Variants in THADA observed in about 807,000 individuals in gnomAD.
The protein encoded by THADA is THADA armadillo repeat containing, also known as tRNA (32-2'-O)-methyltransferase regulator THADA.
Under a neutral mutation model 219.8 loss-of-function variants are expected in THADA, and 213 were observed. The observed-to-expected ratio is 0.97, with a 90% confidence interval of 0.87 to 1.09. THADA has a LOEUF of 1.09. Ranked by LOEUF, THADA falls within the 50% of genes least tolerant of loss-of-function variation. THADA has a pLI of 0.00. For synonymous variants in THADA, 1,018 were observed against 828.9 expected (o/e 1.23, Z -3.92); for missense variants, 2,956 against 2,311.3 (o/e 1.28, Z -5.72).
chr2:43,497,484 A>C (rs1187357678), intron 25 of THADA, among the ~76,000 whole-genome samples: 2 of 152,214 alleles, frequency 1.3e-5, no homozygotes, highest in African/African-American at 4.8e-5. Flanking sequence ...GGAGCTGAAC[A>C]GTGAGAACAC....
intron 29 of THADA, among the ~76,000 whole-genome samples, chr2:43,352,772 C>A (rs764953182): frequency 6.6e-6 from 1 of 152,026 alleles, no homozygotes; most frequent in African/African-American, 2.4e-5. Context: ...TCCCTACCAC[C>A]ACCTTCCAGG....
intron 35 of THADA, among the ~76,000 whole-genome samples, chr2:43,280,939 C>G (rs1392332097): frequency 6.6e-6 from 1 of 152,208 alleles, no homozygotes; most frequent in African/African-American, 2.4e-5. Context: ...ACTGCTGTAA[C>G]TGACACAGAA....
intron 26 of THADA, among the ~76,000 whole-genome samples, chr2:43,460,617 G>A (rs1432631023): frequency 6.6e-6 from 1 of 152,114 alleles, no homozygotes; most frequent in Non-Finnish European, 1.5e-5. Context: ...TAAGTGCTCT[G>A]GAGGACACTC....
chr2:43,372,639 C>G (rs776651129), intron 29 of THADA, among the ~76,000 whole-genome samples: 16 of 152,154 alleles, frequency 1.1e-4, no homozygotes, highest in Non-Finnish European at 1.6e-4. Flanking sequence ...TTTTCTTGTT[C>G]TGCTATGCAG....
rs116568054 is a variant in THADA at position 43,312,387 on chromosome 2, G to A, written c.4438+8059C>T. ...GGTCACAGAAATGGACGGTGAATAAGGAGTCAGGAAAGCTCACCCTTTTCA... is the reference window on the plus strand; with the variant it reads ...GGTCACAGAAATGGACGGTGAATAAAGAGTCAGGAAAGCTCACCCTTTTCA... On this transcript the variant is annotated intron_variant, in intron 31 of 37. Coordinates refer to ENST00000405975, the MANE Select transcript of THADA (RefSeq NM_022065.5). 6.7e-3 allele frequency among the ~76,000 whole-genome samples: 1,020 copies of A among 152,202 alleles called. 2 individuals carry two copies. The highest frequency in any genetic ancestry group is 0.011 in the Non-Finnish European group (715 of 68,022).
chr2:43,442,201 C>A (rs1558767398), intron 26 of THADA, among the ~76,000 whole-genome samples: 1 of 152,060 alleles, frequency 6.6e-6, no homozygotes, highest in Non-Finnish European at 1.5e-5. Flanking sequence ...TTTGGGAGGC[C>A]GAGGTGGGCG....
At chr2:43,357,296 A>C (rs1335921811) in intron 29 of THADA, among the ~76,000 whole-genome samples, 1 of 152,140 alleles carries the variant, frequency 6.6e-6, no homozygotes, top group African/African-American at 2.4e-5. Flanking sequence ...GTAAGACCCA[A>C]CTGATAGATG....
At chr2:43,435,811 A>G (rs532344748) in intron 26 of THADA, among the ~76,000 whole-genome samples, 9 of 150,780 alleles carry the variant, frequency 6.0e-5, no homozygotes, top group Non-Finnish European at 1.2e-4. Flanking sequence ...GAAAGAAAAG[A>G]AAAAAGAAAT....
intron 28 of THADA, among the ~76,000 whole-genome samples, chr2:43,415,746 T>C (rs946774236): frequency 6.6e-5 from 10 of 152,030 alleles, no homozygotes; most frequent in Admixed American, 1.3e-4. Flanking sequence ...TCGTGACGCT[T>C]CACGGTGGGT....
chr2:43,274,252 A>G (rs910461113), intron 36 of THADA, among the ~76,000 whole-genome samples: 1 of 152,190 alleles, frequency 6.6e-6, no homozygotes, highest in Admixed American at 6.5e-5. Flanking sequence ...AACTCAGCCT[A>G]CCAGACCCGG....
chr2:43,499,358 A>T (rs530783558), intron 24 of THADA, among the ~76,000 whole-genome samples: 3 of 152,184 alleles, frequency 2.0e-5, no homozygotes, highest in African/African-American at 7.2e-5. Context: ...AAGAAACTTT[A>T]AAAAAAACTT....
At chr2:43,362,870 A>G (rs1669689590) in intron 29 of THADA, among the ~76,000 whole-genome samples, 1 of 151,402 alleles carries the variant, frequency 6.6e-6, no homozygotes, top group Admixed American at 6.6e-5. Context: ...TATTTTTTCT[A>G]TTTTAAATTT....
intron 22 of THADA, among the ~76,000 whole-genome samples, chr2:43,516,453 C>G (rs185124918): frequency 1.6e-3 from 246 of 152,264 alleles, no homozygotes; most frequent in African/African-American, 5.1e-3. Flanking sequence ...AAGCCCAAGC[C>G]TCTCAGGACT....
chr2:43,381,160 C>A (rs1339895548), intron 29 of THADA, among the ~76,000 whole-genome samples: 1 of 147,016 alleles, frequency 6.8e-6, no homozygotes. Context: ...GAAGGCATGT[C>A]AAAGGCACCC....
chr2:43,578,691 T>C (rs1274671339), intron 8 of THADA, 84 bp from the exon 9 acceptor site: 5 of 888,176 alleles, frequency 5.6e-6, no homozygotes, highest in African/African-American at 3.4e-5. Context: ...AGCAGCCAGA[T>C]AGGCCTGGGT....
At chr2:43,571,941 T>C (rs1269521162) in intron 12 of THADA, 79 bp from the exon 13 acceptor site, 2 of 1,399,978 alleles carry the variant, frequency 1.4e-6, no homozygotes, top group South Asian at 2.7e-5. Flanking sequence ...CTTACTTACA[T>C]AGGCTACAAA....
intron 26 of THADA, among the ~76,000 whole-genome samples, chr2:43,440,066 C>T (rs932620725): frequency 1.1e-4 from 16 of 152,076 alleles, no homozygotes; most frequent in African/African-American, 3.6e-4. Context: ...AAAAAATACA[C>T]ACTAGACTCC....
At chr2:43,549,772 A>G (rs1258163694) in intron 19 of THADA, among the ~76,000 whole-genome samples, 1 of 152,118 alleles carries the variant, frequency 6.6e-6, no homozygotes, top group Non-Finnish European at 1.5e-5. Flanking sequence ...GGCAACAGAA[A>G]AGTAGAAAAA....
chr2:43,540,820 A>C (rs1386040513), intron 21 of THADA, among the ~76,000 whole-genome samples: 3 of 152,186 alleles, frequency 2.0e-5, no homozygotes, highest in Admixed American at 6.5e-5. Context: ...AAAATTTAAG[A>C]GATTTGTGGA....
Sources: gnomAD v4.1 joint callset for allele counts (sites outside exome capture counted in the v4.1 genomes callset) on GRCh38, gnomAD v4.1.1 for gene constraint, MANE v1.5 for transcripts, NCBI Gene and HGNC (gene_info 2026-07-23, HGNC 2026-07-21) for gene names.